The following SAMD15 variants were observed in gnomAD, a reference collection of about 807,000 sequenced individuals.
The protein encoded by SAMD15 is sterile alpha motif domain containing 15, also known as sterile alpha motif domain-containing protein 15.
Under a neutral mutation model 50.5 loss-of-function variants are expected in SAMD15, and 37 were observed. That is an observed-to-expected ratio of 0.73 (90% CI 0.56 to 0.96). The LOEUF is 0.96. Ranked by LOEUF, SAMD15 falls within the 40% of genes least tolerant of loss-of-function variation. The pLI is 0.00. For missense variants in SAMD15, 789 were observed against 783.8 expected, an observed-to-expected ratio of 1.01 and a Z score of -0.08; for synonymous variants, 255 against 282.8, an observed-to-expected ratio of 0.90 and a Z score of 0.99.
At chr14:77,388,327 A>T (rs1254747214) in intron 2 of SAMD15, among the ~76,000 whole-genome samples, 1 of 151,842 alleles carries the variant, frequency 6.6e-6, no homozygotes, top group Non-Finnish European at 1.5e-5. Flanking sequence ...CTACCAAACA[A>T]GGTGCACACG....
rs1325054440 is a variant in SAMD15, at chr14:77,377,829, A to G, written c.411A>G (p.Pro137=). Residue 137 remains proline, a synonymous_variant, in exon 1 of 3, where the codon CCA becomes CCG. Transcript: ENST00000216471. ...DETHKESDLE[P]PEEAKPNVTE... ...CGCATAAAGAGTCAGACCTAGAGCC[A>G]CCAGAGGAGGCTAAACCAAATGTTA... 6.2e-7 allele frequency: 1 copy of G among 1,613,970 alleles called. No individual in the cohort carries two copies. The highest frequency in any genetic ancestry group is 1.3e-5 in the African/African-American group (1 of 74,932).
rs1240884630 is a variant in SAMD15 at position 77,378,665 on chromosome 14, A to T, written c.1247A>T (p.His416Leu). ...LPDETKPRET[H>L]VEFSKEDRPE... is the part of the protein sequence containing the mutation. ...GATGAAACCAAACCAAGGGAGACAC[A>T]TGTAGAATTTTCCAAGGAAGACAGG... Residue 416 changes from histidine to leucine, a missense_variant, in exon 1 of 3, where the codon CAT becomes CTT. His to Leu is a moderately conservative substitution (Grantham distance 99, BLOSUM62 -3). Coordinates refer to ENST00000216471, the MANE Select transcript of SAMD15 (RefSeq NM_001010860.4). 6.2e-7 allele frequency: 1 copy of T among 1,614,058 alleles called. No homozygotes were observed. The highest frequency in any genetic ancestry group is 1.3e-5 in the African/African-American group (1 of 74,946).
intron 1 of SAMD15, among the ~76,000 whole-genome samples, chr14:77,380,017 C>T (rs796262168): frequency 1.2e-4 from 18 of 152,254 alleles, no homozygotes; most frequent in African/African-American, 4.1e-4. Flanking sequence ...GTAATTGAGA[C>T]ATGAAGAAGC....
intron 2 of SAMD15, among the ~76,000 whole-genome samples, chr14:77,382,551 C>T (rs1399328244): frequency 2.6e-5 from 4 of 152,084 alleles, no homozygotes; most frequent in African/African-American, 7.2e-5. Context: ...TGAGCCACCA[C>T]GCCCGACTTA....
At position 77,391,010 on chromosome 14, in the gene SAMD15, A is replaced by G. The variant is rs906677734; in HGVS notation, c.1791A>G (p.Ala597=). The part of the protein sequence containing the change: ...MGITNFEDMK[A]ISRHTQELLE... ...AAAAATTTATCCTTGCGTTTCAGGC[A>G]ATTTCTCGGCATACGCAGGAGCTCC... The change falls in exon 3 of 3, where the codon GCA becomes GCG. Residue 597 remains alanine (A), a splice_region_variant and synonymous_variant. Coordinates refer to ENST00000216471, the MANE Select transcript of SAMD15 (RefSeq NM_001010860.4). 2.5e-6 allele frequency: 4 copies of G among 1,598,658 alleles called. No homozygotes were observed. The highest frequency in any genetic ancestry group is 3.4e-6 in the Non-Finnish European group (4 of 1,171,676).
Position 77,377,933 on chromosome 14 carries a change from C to G in SAMD15, c.515C>G (p.Ser172Trp). The G allele has an allele frequency of 6.2e-7, 1 of 1,614,012 alleles. No homozygotes were observed. Among genetic ancestry groups the G allele is most frequent in the Non-Finnish European group, 8.5e-7 (1 of 1,179,990 alleles). The change falls in exon 1 of 3, where the codon TCG (serine) becomes TGG (tryptophan). Residue 172 changes from serine (S) to tryptophan (W), a missense_variant. Physicochemically the swap from Ser to Trp is radical, Grantham distance 177. Coordinates refer to ENST00000216471, the MANE Select transcript of SAMD15 (RefSeq NM_001010860.4). ...CCAACGGAAACCATGTCTGAGGTTTCGGGGGCCACAGTCAGAGAGAGAAAT... is the reference window on the plus strand; with the variant it reads ...CCAACGGAAACCATGTCTGAGGTTTGGGGGGCCACAGTCAGAGAGAGAAAT... Reference protein sequence around the residue: ...VPPTETMSEVSGATVRERNLE... With the variant: ...VPPTETMSEVWGATVRERNLE...
chr14:77,377,535 C>T lies in SAMD15; in HGVS notation c.117C>T (p.Thr39=), dbSNP rs1252042637. ...TGTATGAAAATGCCGAACCAGACAC[C>T]ATGGCAAAGGCAGACTCGAAGCTAC... The part of the protein sequence containing the change: ...HKLYENAEPD[T]MAKADSKLPA... The change falls in exon 1 of 3, where the codon ACC becomes ACT. Residue 39 remains threonine, a synonymous_variant. Coordinates refer to ENST00000216471, the MANE Select transcript of SAMD15 (RefSeq NM_001010860.4). The T allele has an allele frequency of 6.2e-7, 1 of 1,614,132 alleles. No homozygotes were observed. Among genetic ancestry groups the T allele is most frequent in the Non-Finnish European group, 8.5e-7 (1 of 1,180,036 alleles).
intron 2 of SAMD15, among the ~76,000 whole-genome samples, chr14:77,382,543 A>G (rs1380471586): frequency 1.3e-5 from 2 of 151,650 alleles, no homozygotes; most frequent in East Asian, 3.9e-4. Context: ...TATAGGCATG[A>G]GCCACCACGC....
chr14:77,386,443 C>T (rs1382831227), intron 2 of SAMD15, among the ~76,000 whole-genome samples: 8 of 152,110 alleles, frequency 5.3e-5, no homozygotes, highest in African/African-American at 1.9e-4. Flanking sequence ...TTAGATGAAT[C>T]AACAAGCAGA....
At position 77,378,176 on chromosome 14, in the gene SAMD15, G is replaced by C. The variant is rs766095238; in HGVS notation, c.758G>C (p.Arg253Thr). The C allele has an allele frequency of 3.2e-5, 51 of 1,613,490 alleles. No homozygotes were observed. In the Admixed American group the frequency reaches 8.0e-4, roughly 25 times the overall value. Residue 253 changes from arginine (R) to threonine (T), a missense_variant, in exon 1 of 3, where the codon AGG becomes ACG. Physicochemically the swap from Arg to Thr is moderately conservative, Grantham distance 71. Coordinates refer to ENST00000216471, the MANE Select transcript of SAMD15 (RefSeq NM_001010860.4). ...CAAAGAGAGTCAACTGAGAAGAAAA[G>C]GACAGAGCCACCCGAGCAGGCTAGA... ...ETQRESTEKK[R>T]TEPPEQARLE...
At chr14:77,379,583 G>C (rs1254023852) in intron 1 of SAMD15, among the ~76,000 whole-genome samples, 4 of 152,062 alleles carry the variant, frequency 2.6e-5, no homozygotes, top group Non-Finnish European at 4.4e-5. Flanking sequence ...AGTAGAGACG[G>C]GGTTTCACTG....
At chr14:77,386,048 G>C (rs902820588) in intron 2 of SAMD15, among the ~76,000 whole-genome samples, 1 of 151,858 alleles carries the variant, frequency 6.6e-6, no homozygotes, top group African/African-American at 2.4e-5. Context: ...TAGAGATGGG[G>C]TTTCGCCATA....
At chr14:77,379,500 C>A (rs1893917799) in intron 1 of SAMD15, among the ~76,000 whole-genome samples, 1 of 152,152 alleles carries the variant, frequency 6.6e-6, no homozygotes, top group South Asian at 2.1e-4. Flanking sequence ...ATTCTCCTGC[C>A]TCAACCTCCT....
intron 2 of SAMD15, among the ~76,000 whole-genome samples, chr14:77,385,353 T>G (rs1028673714): frequency 6.6e-6 from 1 of 151,438 alleles, no homozygotes; most frequent in African/African-American, 2.4e-5. Context: ...TGGCGCGATC[T>G]CGGCTCACTG....
At position 77,377,644 on chromosome 14, in the gene SAMD15, C is replaced by A. The variant is rs1893863370; in HGVS notation, c.226C>A (p.Gln76Lys). 1 of 1,614,144 alleles carries A rather than the reference C, an allele frequency of 6.2e-7. No homozygotes were observed. The highest frequency in any genetic ancestry group is 8.5e-7 in the Non-Finnish European group (1 of 1,180,026). ...EGEPDSAKNV[Q>K]LKPGGTSQEG... Reference sequence around the variant, plus strand: ...GGAGCCAGACAGTGCTAAGAACGTGCAGCTGAAACCTGGCGGGACGTCCCA... The same window carrying A: ...GGAGCCAGACAGTGCTAAGAACGTGAAGCTGAAACCTGGCGGGACGTCCCA... The change falls in exon 1 of 3, where the codon CAG becomes AAG. Residue 76 changes from glutamine (Q) to lysine (K), a missense_variant. By Grantham distance (53) the Gln-to-Lys change is moderately conservative. Coordinates refer to ENST00000216471, the MANE Select transcript of SAMD15 (RefSeq NM_001010860.4).
At position 77,378,647 on chromosome 14, in the gene SAMD15, C is replaced by G; in HGVS notation, c.1229C>G (p.Thr410Ser). The G allele has an allele frequency of 1.9e-6, 3 of 1,614,076 alleles. No homozygotes were observed. The highest frequency in any genetic ancestry group is 2.5e-6 in the Non-Finnish European group (3 of 1,180,022). The change falls in exon 1 of 3, where the codon ACC becomes AGC. Residue 410 changes from threonine to serine, a missense_variant. Thr to Ser is a moderately conservative substitution (Grantham distance 58, BLOSUM62 1). Coordinates refer to ENST00000216471, the MANE Select transcript of SAMD15 (RefSeq NM_001010860.4). ...TEKILELPDE[T>S]KPRETHVEFS... ...AAAATTCTAGAGTTACCAGATGAAA[C>G]CAAACCAAGGGAGACACATGTAGAA...
At chr14:77,383,243 AAATAAT>A (rs964750165) in intron 2 of SAMD15, among the ~76,000 whole-genome samples, 3 of 152,180 alleles carry the variant, frequency 2.0e-5, no homozygotes, top group Non-Finnish European at 2.9e-5. Flanking sequence ...TCGCTTAAAA[AAATAAT>A]AATAATAAGG....
intron 2 of SAMD15, among the ~76,000 whole-genome samples, chr14:77,390,243 G>A (rs922374519): frequency 4.6e-5 from 7 of 152,030 alleles, no homozygotes; most frequent in African/African-American, 1.4e-4. Context: ...TGATCTGCCC[G>A]CCTCTGCCTC....
intron 2 of SAMD15, among the ~76,000 whole-genome samples, chr14:77,381,470 C>G (rs866964621): frequency 6.6e-6 from 1 of 152,272 alleles, no homozygotes; most frequent in South Asian, 2.1e-4. Context: ...ACACCCATGC[C>G]CAGAAATGTA....
Sources: gnomAD v4.1 joint callset for allele counts (sites outside exome capture counted in the v4.1 genomes callset) on GRCh38, gnomAD v4.1.1 for gene constraint, MANE v1.5 for transcripts, NCBI Gene and HGNC (gene_info 2026-07-23, HGNC 2026-07-21) for gene names.